DSCAML1: variants seen among roughly 807,000 people sequenced by gnomAD.
The protein encoded by DSCAML1 is DS cell adhesion molecule like 1.
DSCAML1 carries 38 observed loss-of-function variants against 200.5 expected under a neutral mutation model. That is an observed-to-expected ratio of 0.19 (90% CI 0.15 to 0.25). DSCAML1 has a LOEUF of 0.25. Among genes scored for constraint, DSCAML1 ranks in the 10% least tolerant of loss-of-function variants. The pLI, the probability that DSCAML1 is intolerant of heterozygous loss-of-function variation, is 1.00. For synonymous variants in DSCAML1, 1,215 were observed against 1,165.0 expected (o/e 1.04, Z -0.87); for missense variants, 2,223 against 2,858.8 (o/e 0.78, Z 5.07).
At chr11:117,567,079 T>G (rs2050772011) in intron 3 of DSCAML1, among the ~76,000 whole-genome samples, 1 of 152,240 alleles carries the variant, frequency 6.6e-6, no homozygotes, top group African/African-American at 2.4e-5. Flanking sequence ...TTTATAGTCC[T>G]TTGGGTATAT....
Position 117,518,513 on chromosome 11 carries a change from C to T in DSCAML1, c.1463G>A (p.Arg488Gln), listed in dbSNP as rs368200086. Residue 488 changes from arginine (R) to glutamine (Q), a missense_variant, in exon 7 of 33, where the codon CGG becomes CAG. Around this residue, in one of 7 missense-constraint regions of DSCAML1, gnomAD observed 579 missense variants for 721.5 expected, o/e 0.80. Coordinates refer to ENST00000651296, the MANE Select transcript of DSCAML1 (RefSeq NM_020693.4). The surrounding 1 kb of genome is among the most constrained non-coding windows in gnomAD (Gnocchi z 6.3). ...RDGGVYRCTA[R>Q]NLVGSAEYQA... The stretch of plus-strand genomic sequence containing the variant: ...ATATTCAGCACTGCCCACCAAGTTC[C>T]GCGCTGTGCACCGGTACACGCCCCC... 56 of 1,614,110 alleles carry T rather than the reference C, an allele frequency of 3.5e-5. No individual in the cohort carries two copies. The highest frequency in any genetic ancestry group is 9.9e-5 in the South Asian group (9 of 91,080).
At chr11:117,772,017 A>G (rs1401038228) in intron 3 of DSCAML1, among the ~76,000 whole-genome samples, 1 of 152,136 alleles carries the variant, frequency 6.6e-6, no homozygotes, top group Non-Finnish European at 1.5e-5. Context: ...GAATGAAGGC[A>G]GGGCTCCAGG....
intron 3 of DSCAML1, among the ~76,000 whole-genome samples, chr11:117,681,720 G>C: frequency 6.6e-6 from 1 of 152,112 alleles, no homozygotes; most frequent in East Asian, 1.9e-4. Flanking sequence ...CATGGGAATG[G>C]CATTAGTGGA....
chr11:117,459,654 G>A (rs1480986690), intron 18 of DSCAML1, among the ~76,000 whole-genome samples: 1 of 152,254 alleles, frequency 6.6e-6, no homozygotes, highest in Non-Finnish European at 1.5e-5. Flanking sequence ...CTAAAGAGGA[G>A]CTTAGGGAGA....
At chr11:117,675,115 T>A (rs1216438691) in intron 3 of DSCAML1, among the ~76,000 whole-genome samples, 1 of 152,158 alleles carries the variant, frequency 6.6e-6, no homozygotes, top group East Asian at 1.9e-4. Context: ...TAATAGCAAC[T>A]CCTCCACAAG....
intron 4 of DSCAML1, among the ~76,000 whole-genome samples, chr11:117,526,707 G>A (rs2049984595): frequency 6.6e-6 from 1 of 152,068 alleles, no homozygotes; most frequent in African/African-American, 2.4e-5. Flanking sequence ...TAGTGGAGAC[G>A]GAGTTTCACC....
intron 3 of DSCAML1, among the ~76,000 whole-genome samples, chr11:117,559,627 C>G (rs542949757): frequency 6.9e-4 from 105 of 152,294 alleles, no homozygotes; most frequent in Admixed American, 7.8e-4. Flanking sequence ...TTTATCCCCC[C>G]TCTCGTTGCA....
chr11:117,549,001 A>G (rs927319087), intron 3 of DSCAML1, among the ~76,000 whole-genome samples: 2 of 152,158 alleles, frequency 1.3e-5, no homozygotes, highest in Non-Finnish European at 2.9e-5. Context: ...GGATGTGGCT[A>G]AAAGGGACAT....
chr11:117,764,837 C>T (rs773123774), intron 3 of DSCAML1, among the ~76,000 whole-genome samples: 1 of 152,184 alleles, frequency 6.6e-6, no homozygotes, highest in Non-Finnish European at 1.5e-5. Context: ...GGACCCCAGC[C>T]ACACGCTCTT....
At chr11:117,720,589 C>T (rs538026361) in intron 3 of DSCAML1, among the ~76,000 whole-genome samples, 1 of 152,350 alleles carries the variant, frequency 6.6e-6, no homozygotes, top group African/African-American at 2.4e-5. Context: ...CTTCCTCCTC[C>T]TTCTCACTTC....
intron 3 of DSCAML1, among the ~76,000 whole-genome samples, chr11:117,571,650 G>A (rs2050849224): frequency 6.6e-6 from 1 of 152,162 alleles, no homozygotes; most frequent in Non-Finnish European, 1.5e-5. Context: ...CCCTGGGTCT[G>A]GGTCCTCAGC....
At chr11:117,609,556 G>A (rs1294117015) in intron 3 of DSCAML1, among the ~76,000 whole-genome samples, 2 of 152,036 alleles carry the variant, frequency 1.3e-5, no homozygotes, top group African/African-American at 2.4e-5. Flanking sequence ...ATCCTCTTGC[G>A]TCGGCCTCCC....
intron 15 of DSCAML1, among the ~76,000 whole-genome samples, chr11:117,470,894 AGTATGAT>A (rs2048672840): frequency 6.6e-6 from 1 of 152,244 alleles, no homozygotes; most frequent in African/African-American, 2.4e-5. Context: ...GAATAGATGA[AGTATGAT>A]GTCATGAATA....
intron 3 of DSCAML1, among the ~76,000 whole-genome samples, chr11:117,685,411 G>A (rs1038997245): frequency 2.0e-5 from 3 of 152,174 alleles, no homozygotes; most frequent in Admixed American, 6.5e-5. Flanking sequence ...AGTCAGGTTA[G>A]CAGAAAACAG....
At chr11:117,525,649 A>G (rs1233103631) in intron 4 of DSCAML1, among the ~76,000 whole-genome samples, 1 of 152,068 alleles carries the variant, frequency 6.6e-6, no homozygotes, top group Admixed American at 6.5e-5. Flanking sequence ...TAGTAGAGAC[A>G]GGATTTCACC....
At chr11:117,672,393 C>T (rs535391522) in intron 3 of DSCAML1, among the ~76,000 whole-genome samples, 12 of 152,180 alleles carry the variant, frequency 7.9e-5, no homozygotes, top group Middle Eastern at 3.4e-3. Context: ...TGGCCATTTT[C>T]CCCCCACTCC....
chr11:117,504,700 GA>G lies in DSCAML1; in HGVS notation c.2182+223del, dbSNP rs3216152. Among the ~76,000 whole-genome samples, 30,121 of 151,968 alleles carry G rather than the reference GA, an allele frequency of 0.2. 3,212 individuals carry two copies. The highest frequency in any genetic ancestry group is 0.3 in the South Asian group (1,466 of 4,810). On this transcript the variant is annotated intron_variant, in intron 10 of 32. Transcript: ENST00000651296. The surrounding 1 kb of genome is among the most constrained non-coding windows in gnomAD (Gnocchi z 5.0). The stretch of plus-strand genomic sequence containing the variant: ...GAGGTCGCGTCTGGGGGGACAAGAG[GA>G]AATACGGAGTCAGCATGATGGCTGT...
intron 3 of DSCAML1, among the ~76,000 whole-genome samples, chr11:117,735,919 A>G (rs1009785020): frequency 6.6e-6 from 1 of 152,208 alleles, no homozygotes; most frequent in African/African-American, 2.4e-5. Flanking sequence ...GCAACCATGC[A>G]GAGCCACAGT....
Position 117,437,851 on chromosome 11 carries a change from C to T in DSCAML1, c.4432+44G>A. ...ACCTGGCCCCTCTAGCCCACCCTCCCTGGGCCCATCGCTCCTTCCCTGCCC... is the reference window on the plus strand; with the variant it reads ...ACCTGGCCCCTCTAGCCCACCCTCCTTGGGCCCATCGCTCCTTCCCTGCCC... On this transcript the variant is annotated intron_variant, in intron 25 of 32. Coordinates refer to ENST00000651296, the MANE Select transcript of DSCAML1 (RefSeq NM_020693.4). The surrounding 1 kb of genome is among the most constrained non-coding windows in gnomAD (Gnocchi z 5.3). 1 of 1,552,264 alleles carries T rather than the reference C, an allele frequency of 6.4e-7. No homozygotes were observed. Among genetic ancestry groups the T allele is most frequent in the Non-Finnish European group, 8.7e-7 (1 of 1,153,442 alleles).
Sources: allele counts gnomAD v4.1 joint callset (sites outside exome capture counted in the v4.1 genomes callset), GRCh38; gene constraint gnomAD v4.1.1; regional missense constraint gnomAD v4.1.1; non-coding constraint Gnocchi (gnomAD v3.1); transcripts MANE v1.5; gene names NCBI Gene and HGNC (gene_info 2026-07-23, HGNC 2026-07-21).